Variants in KIF20B observed in about 807,000 individuals in gnomAD.
The protein encoded by KIF20B is kinesin family member 20B.
Under a neutral mutation model 232.5 loss-of-function variants are expected in KIF20B, and 188 were observed. That is an observed-to-expected ratio of 0.81 (90% CI 0.72 to 0.91). KIF20B has a LOEUF of 0.91. Among genes scored for constraint, KIF20B ranks in the 40% least tolerant of loss-of-function variants. The pLI, the probability that KIF20B is intolerant of heterozygous loss-of-function variation, is 0.00. For synonymous variants in KIF20B, 712 were observed against 683.0 expected (o/e 1.04, Z -0.66); for missense variants, 2,154 against 2,055.9 (o/e 1.05, Z -0.92).
Position 89,724,045 on chromosome 10 carries a change from C to T in KIF20B, c.1804C>T (p.Arg602Ter), listed in dbSNP as rs571660825. 2.5e-6 allele frequency: 4 copies of T among 1,575,468 alleles called. No individual in the cohort carries two copies. Among genetic ancestry groups the T allele is most frequent in the East Asian group, 2.3e-5 (1 of 43,240 alleles). The change falls in exon 14 of 33, where the codon CGA becomes TGA. Residue 602 changes from arginine to a stop codon, truncating the protein, a stop_gained. Transcript: ENST00000371728. LOFTEE classifies it high-confidence loss of function. Reference sequence around the variant, plus strand: ...AAAATTAACCTTGGAATTTAAAATTCGAGAAGAAGTTACACAGGAGTTTAC... The same window carrying T: ...AAAATTAACCTTGGAATTTAAAATTTGAGAAGAAGTTACACAGGAGTTTAC... ...KEKLTLEFKI[R>*]EEVTQEFTQY...
chr10:89,762,933 G>A, intron 29 of KIF20B, 98 bp downstream of exon 29: 1 of 839,520 alleles, frequency 1.2e-6, no homozygotes, highest in Admixed American at 2.2e-5. Context: ...CTGTTCATAG[G>A]CACTGCTGTT....
At chr10:89,735,786 C>T (rs189307048) in intron 19 of KIF20B, among the ~76,000 whole-genome samples, 1 of 152,198 alleles carries the variant, frequency 6.6e-6, no homozygotes, top group Admixed American at 6.5e-5. Context: ...GATCCACCCG[C>T]CTCTGCCTCC....
chr10:89,757,598 A>G (rs55823491), intron 26 of KIF20B, among the ~76,000 whole-genome samples: 28,048 of 151,812 alleles, frequency 0.18, 3,130 homozygotes, highest in East Asian at 0.35. Context: ...GTGTTATATT[A>G]TTTCCTGAAA....
At chr10:89,701,958 T>C (rs1842619570) in intron 1 of KIF20B, among the ~76,000 whole-genome samples, 1 of 152,230 alleles carries the variant, frequency 6.6e-6, no homozygotes, top group Non-Finnish European at 1.5e-5. Context: ...CTCTGTACCT[T>C]AGTTTTCTTA....
Position 89,751,974 on chromosome 10 carries a change from C to A in KIF20B, c.4222+503C>A, listed in dbSNP as rs189314874. The stretch of plus-strand genomic sequence containing the variant: ...ATTGTCTAGCCATTTTATATATAAC[C>A]TTGGCAGGGTACTTGTGCTTACTCA... On this transcript the variant is annotated intron_variant, in intron 24 of 32. Coordinates refer to ENST00000371728, the MANE Select transcript of KIF20B (RefSeq NM_001284259.2). Among the ~76,000 whole-genome samples, 99 of 152,054 alleles carry A rather than the reference C, an allele frequency of 6.5e-4. 2 individuals carry two copies. The East Asian group carries it at 0.017, about 26-fold the overall frequency.
rs767167656 is a variant in KIF20B, at chr10:89,737,986, A to G, written c.3145A>G (p.Arg1049Gly). Residue 1049 changes from arginine (R) to glycine (G), a missense_variant, in exon 20 of 33, where the codon AGG becomes GGG. Transcript: ENST00000371728. Reference protein sequence around the residue: ...VKEYRIQEPNRENSFHSSIEA... With the variant: ...VKEYRIQEPNGENSFHSSIEA... ...AGAATATCGAATTCAAGAACCCAAT[A>G]GGGAAAATTCTTTCCACTCTAGTAT... is the stretch of plus-strand genomic sequence containing the variant. 7 of 1,613,082 alleles carry G rather than the reference A, an allele frequency of 4.3e-6. No individual in the cohort carries two copies. The South Asian group carries it at 7.7e-5, about 18-fold the overall frequency.
chr10:89,770,435 C>T (rs1268207184), intron 31 of KIF20B, among the ~76,000 whole-genome samples: 1 of 151,948 alleles, frequency 6.6e-6, no homozygotes, highest in East Asian at 1.9e-4. Flanking sequence ...GGAGGGACAT[C>T]TTTCTTTAGA....
intron 21 of KIF20B, 38 bp downstream of exon 21, chr10:89,739,134 A>G: frequency 6.3e-7 from 1 of 1,596,556 alleles, no homozygotes; most frequent in South Asian, 1.1e-5. Flanking sequence ...AGTTTATGAT[A>G]AAGATTGTTT....
At position 89,719,558 on chromosome 10, in the gene KIF20B, G is replaced by A. The variant is rs780913616; in HGVS notation, c.1574G>A (p.Ser525Asn). The A allele has an allele frequency of 2.2e-5, 35 of 1,613,406 alleles. No homozygotes were observed. Among genetic ancestry groups the A allele is most frequent in the Non-Finnish European group, 3.0e-5 (35 of 1,179,664 alleles). ...VKRATISWEN[S>N]LEDLMEDEDL... ...AGAGCCACCATTTCATGGGAAAATAGTCTAGAAGATTTGATGGAAGACGAG... is the reference window on the plus strand; with the variant it reads ...AGAGCCACCATTTCATGGGAAAATAATCTAGAAGATTTGATGGAAGACGAG... The change falls in exon 13 of 33, where the codon AGT becomes AAT. Residue 525 changes from serine to asparagine, a missense_variant. Coordinates refer to ENST00000371728, the MANE Select transcript of KIF20B (RefSeq NM_001284259.2).
At chr10:89,766,571 G>C (rs1842365271) in intron 29 of KIF20B, 1 of 152,074 alleles carries the variant, frequency 6.6e-6, no homozygotes, top group African/African-American at 2.4e-5. Context: ...CTGGGAGAAA[G>C]GGTATCAGTA....
intron 26 of KIF20B, among the ~76,000 whole-genome samples, chr10:89,755,422 C>CCCCTCCCACCTTTCCTT (rs1842099756): frequency 9.0e-6 from 1 of 111,302 alleles, no homozygotes; most frequent in Non-Finnish European, 1.9e-5. Flanking sequence ...TTCCTTCCCT[C>CCCCTCCCACCTTTCCTT]CCCTCCCCCC....
intron 19 of KIF20B, among the ~76,000 whole-genome samples, chr10:89,733,879 C>T (rs1841583198): frequency 6.6e-6 from 1 of 151,928 alleles, no homozygotes; most frequent in Non-Finnish European, 1.5e-5. Flanking sequence ...TTACAGCTTC[C>T]CAAGAACATT....
In KIF20B at chr10:89,711,157, T is replaced by C; in HGVS notation, c.675+12T>C. 6 of 1,476,744 alleles carry C rather than the reference T, an allele frequency of 4.1e-6. No individual in the cohort carries two copies. Among genetic ancestry groups the C allele is most frequent in the South Asian group, 1.4e-5 (1 of 72,656 alleles). 91.5% of individuals were successfully genotyped at this position (1,476,744 alleles called of 1,614,324 possible). On this transcript the variant is annotated intron_variant, in intron 6 of 32. Transcript: ENST00000371728. ...GGCAAATTAAAGAGGTATGGAAATA[T>C]TTTAGTATGTAAAATATGTATAATT...
intron 18 of KIF20B, among the ~76,000 whole-genome samples, chr10:89,731,450 T>C (rs2133117111): frequency 6.6e-6 from 1 of 152,330 alleles, no homozygotes; most frequent in South Asian, 2.1e-4. Context: ...ATATACAAAG[T>C]AGTTTGGAAC....
chr10:89,768,460 AT>A (rs1383005794), intron 30 of KIF20B, 69 bp downstream of exon 30: 1 of 961,520 alleles, frequency 1.0e-6, no homozygotes, highest in East Asian at 2.4e-5. Context: ...ATTATAACTC[AT>A]TTATCTTCTC....
chr10:89,725,597 T>A (rs1843167161), intron 15 of KIF20B, among the ~76,000 whole-genome samples: 1 of 152,132 alleles, frequency 6.6e-6, no homozygotes, highest in African/African-American at 2.4e-5. Flanking sequence ...TAAAATTTTA[T>A]TTGTTTATTT....
Position 89,717,818 on chromosome 10 carries a change from A to G in KIF20B, c.1271+96A>G. On this transcript the variant is annotated intron_variant, in intron 11 of 32. Transcript: ENST00000371728. ...TAGAAAGTTCTTTTTTGATTTTTAA[A>G]CTGCTTCTTATGTAATGACTGTGTA... is the stretch of plus-strand genomic sequence containing the variant. 4 of 758,318 alleles carry G rather than the reference A, an allele frequency of 5.3e-6. 1 individual carries two copies. The South Asian group carries it at 6.3e-5, about 12-fold the overall frequency. 47.0% of individuals were successfully genotyped at this position (758,318 alleles called of 1,614,324 possible). A position where few individuals can be genotyped will look rare whatever the true frequency, so the allele number is the denominator to read the frequency against.
intron 29 of KIF20B, among the ~76,000 whole-genome samples, chr10:89,763,094 C>T (rs1199322584): frequency 6.6e-6 from 1 of 152,056 alleles, no homozygotes; most frequent in East Asian, 1.9e-4. Context: ...CCAACCTGGT[C>T]AACATGGTAA....
At chr10:89,722,551 C>T (rs921250760) in intron 13 of KIF20B, among the ~76,000 whole-genome samples, 3 of 152,136 alleles carry the variant, frequency 2.0e-5, no homozygotes, top group Non-Finnish European at 4.4e-5. Context: ...CGCCTGTAGT[C>T]CCAGCTACTC....
Sources: allele counts gnomAD v4.1 joint callset (sites outside exome capture counted in the v4.1 genomes callset), GRCh38; gene constraint gnomAD v4.1.1; transcripts MANE v1.5; gene names NCBI Gene and HGNC (gene_info 2026-07-23, HGNC 2026-07-21).